Variants in EPHA10 observed in about 807,000 individuals in gnomAD.
EPHA10 encodes ephrin type-A receptor 10.
Under a neutral mutation model 109.7 loss-of-function variants are expected in EPHA10, and 120 were observed. The ratio of observed to expected loss-of-function variants is 1.09; its 90% CI spans 0.94 to 1.27. EPHA10 has a LOEUF of 1.27. EPHA10 is among the 50% of genes most tolerant of loss of function. The pLI, the probability that EPHA10 is intolerant of heterozygous loss-of-function variation, is 0.00. For synonymous variants in EPHA10, 640 were observed against 618.9 expected (o/e 1.03, Z -0.51); for missense variants, 1,396 against 1,411.1 (o/e 0.99, Z 0.17).
rs1646435821 is a variant in EPHA10, at chr1:37,761,849, C to T, written c.406G>A (p.Asp136Asn). The change falls in exon 3 of 17, where the codon GAC (aspartate) becomes AAC (asparagine). Residue 136 changes from aspartate to asparagine, a missense_variant. Coordinates refer to ENST00000373048, the MANE Select transcript of EPHA10 (RefSeq NM_001099439.2). The stretch of plus-strand genomic sequence containing the variant: ...AGGCGGGGACGCCCACGGCCCAGGT[C>T]GGCCTCAGTTTCCAGGTAGTAGACG... Reference protein sequence around the residue: ...FNVYYLETEADLGRGRPRLGG... With the variant: ...FNVYYLETEANLGRGRPRLGG... The T allele has an allele frequency of 6.2e-7, 1 of 1,613,034 alleles. No homozygotes were observed. Among genetic ancestry groups the T allele is most frequent in the Admixed American group, 1.7e-5 (1 of 59,952 alleles).
Position 37,716,504 on chromosome 1 carries a change from G to A in EPHA10, c.*1868C>T. The A allele has an allele frequency of 4.3e-6, 1 of 232,428 alleles. No individual in the cohort carries two copies. Among genetic ancestry groups the A allele is most frequent in the Non-Finnish European group, 8.5e-6 (1 of 117,546 alleles). 14.4% of individuals were successfully genotyped at this position (232,428 alleles called of 1,614,324 possible). A position where few individuals can be genotyped will look rare whatever the true frequency, so the allele number is the denominator to read the frequency against. The stretch of plus-strand genomic sequence containing the variant: ...TGGTAGCAACATCTTGGTCTCCCCA[G>A]TACCCCCAGAGTCACTGAGCTGGGG... On this transcript the variant is annotated 3_prime_UTR_variant, in exon 17 of 17. Transcript: ENST00000373048.
chr1:37,721,657 T>G lies in EPHA10; in HGVS notation c.2146+3A>C. The G allele has an allele frequency of 6.2e-7, 1 of 1,600,928 alleles. No homozygotes were observed. Among genetic ancestry groups the G allele is most frequent in the Non-Finnish European group, 8.5e-7 (1 of 1,172,822 alleles). On this transcript the variant is annotated splice_donor_region_variant and intron_variant, in intron 11 of 16. Coordinates refer to ENST00000373048, the MANE Select transcript of EPHA10 (RefSeq NM_001099439.2). ...GCAGCAGGAAGGGAGCACCGGGCCC[T>G]ACCTCGGGTAACAACGCCCTCCAGC...
chr1:37,725,178 G>C (rs907593475), intron 8 of EPHA10, among the ~76,000 whole-genome samples: 1 of 152,036 alleles, frequency 6.6e-6, no homozygotes, highest in Non-Finnish European at 1.5e-5. Context: ...GCAAAGACAG[G>C]GTGTCTGCAG....
intron 5 of EPHA10, among the ~76,000 whole-genome samples, chr1:37,736,090 G>A (rs899137389): frequency 2.0e-5 from 3 of 152,238 alleles, no homozygotes; most frequent in African/African-American, 7.2e-5. Context: ...GATCTTATAT[G>A]TAGAAAACCC....
Position 37,715,978 on chromosome 1 carries a change from A to G in EPHA10, c.*2394T>C, listed in dbSNP as rs1461233864. The G allele has an allele frequency of 1.7e-6, 1 of 586,652 alleles. No homozygotes were observed. Among genetic ancestry groups the G allele is most frequent in the Non-Finnish European group, 3.3e-6 (1 of 301,962 alleles). The allele number at this position is 586,652 out of a possible 1,614,324, so 36.3% of individuals were successfully genotyped here. A position where few individuals can be genotyped will look rare whatever the true frequency, so the allele number is the denominator to read the frequency against. On this transcript the variant is annotated 3_prime_UTR_variant, in exon 17 of 17. Transcript: ENST00000373048. ...CTGCCACTCAAAGAGGCACCATATC[A>G]CAGACAAGTTTTTATTATCCTGCAT...
intron 15 of EPHA10, 94 bp downstream of exon 15, chr1:37,719,320 G>A (rs1452838787): frequency 1.4e-6 from 2 of 1,400,952 alleles, no homozygotes; most frequent in Admixed American, 2.0e-5. Context: ...TCTTGGACAG[G>A]TGGGGTGGTG....
chr1:37,753,076 G>A lies in EPHA10; in HGVS notation c.1157C>T (p.Ala386Val). ...LCLRCGREGP[A>V]GACEPCGPRV... ...CGGCCCGCACGGCTCGCAGGCGCCC[G>A]CCGGGCCCTCGCGGCCGCAGCGCAG... The change falls in exon 5 of 17, where the codon GCG (alanine) becomes GTG (valine). Residue 386 changes from alanine (A) to valine (V), a missense_variant. Transcript: ENST00000373048. 7.7e-7 allele frequency: 1 copy of A among 1,294,410 alleles called. No homozygotes were observed. Among genetic ancestry groups the A allele is most frequent in the South Asian group, 2.2e-5 (1 of 46,246 alleles). 80.2% of individuals were successfully genotyped at this position (1,294,410 alleles called of 1,614,324 possible).
chr1:37,744,247 T>A (rs1646196758), intron 5 of EPHA10, among the ~76,000 whole-genome samples: 1 of 152,034 alleles, frequency 6.6e-6, no homozygotes, highest in Admixed American at 6.6e-5. Flanking sequence ...GGCACAGTGG[T>A]TCACTCCTGT....
At chr1:37,734,304 C>T (rs1024262730) in intron 6 of EPHA10, among the ~76,000 whole-genome samples, 2 of 152,044 alleles carry the variant, frequency 1.3e-5, no homozygotes, top group East Asian at 1.9e-4. Context: ...GAGGCTAAGG[C>T]GGGTGGATCA....
Position 37,718,325 on chromosome 1 carries a change from G to A in EPHA10, c.*47C>T, listed in dbSNP as rs1645724339. 1 of 1,496,158 alleles carries A rather than the reference G, an allele frequency of 6.7e-7. No individual in the cohort carries two copies. Among genetic ancestry groups the A allele is most frequent in the Non-Finnish European group, 9.1e-7 (1 of 1,096,400 alleles). The allele number at this position is 1,496,158 out of a possible 1,614,324, so 92.7% of individuals were successfully genotyped here. A position where few individuals can be genotyped will look rare whatever the true frequency, so the allele number is the denominator to read the frequency against. Reference sequence around the variant, plus strand: ...TGCCACGGTCCTTGGGCAGGGCTGGGGGACTGGACCCCCACCGGAGTCCTG... The same window carrying A: ...TGCCACGGTCCTTGGGCAGGGCTGGAGGACTGGACCCCCACCGGAGTCCTG... On this transcript the variant is annotated 3_prime_UTR_variant, in exon 17 of 17. Coordinates refer to ENST00000373048, the MANE Select transcript of EPHA10 (RefSeq NM_001099439.2).
At position 37,753,213 on chromosome 1, in the gene EPHA10, C is replaced by A; in HGVS notation, c.1020G>T (p.Ala340=). ...TCAGGCTGTACTGCAGGTCCCGCGG[C>A]GCCGACGGCGGCCCTGAGGCGGCAC... ...PSASCTRPPS[A]PRDLQYSLSR... Residue 340 remains alanine (A), a synonymous_variant, in exon 5 of 17, where the codon GCG becomes GCT. Transcript: ENST00000373048. The A allele has an allele frequency of 7.5e-7, 1 of 1,326,898 alleles. No individual in the cohort carries two copies. The highest frequency in any genetic ancestry group is 9.6e-7 in the Non-Finnish European group (1 of 1,042,582). The allele number at this position is 1,326,898 out of a possible 1,614,324, so 82.2% of individuals were successfully genotyped here.
intron 15 of EPHA10, 64 bp from the exon 16 acceptor site, chr1:37,718,880 C>T: frequency 6.6e-7 from 1 of 1,526,332 alleles, no homozygotes; most frequent in Middle Eastern, 2.1e-4. Context: ...TGGTGGTCTC[C>T]CGGGGAGAGG....
Position 37,719,556 on chromosome 1 carries a change from G to C in EPHA10, c.2614C>G (p.Pro872Ala), listed in dbSNP as rs1337977279. ...GFRLPPPRNC[P>A]NLLHRLMLDC... ...AGCATTAGTCGGTGCAGAAGGTTAG[G>C]ACAGTTCCTGGGGGGTGGCAGCCGG... The change falls in exon 15 of 17, where the codon CCT (proline) becomes GCT (alanine). Residue 872 changes from proline to alanine, a missense_variant. Transcript: ENST00000373048. 16 of 1,613,828 alleles carry C rather than the reference G, an allele frequency of 9.9e-6. No homozygotes were observed. Among genetic ancestry groups the C allele is most frequent in the Non-Finnish European group, 1.4e-5 (16 of 1,180,018 alleles).
chr1:37,715,871 C>T (rs1645683556), downstream of EPHA10: 1 of 553,148 alleles, frequency 1.8e-6, no homozygotes, highest in Non-Finnish European at 3.6e-6. Flanking sequence ...GCAGAGAGAT[C>T]TCAGACGCAG....
chr1:37,726,306 C>G (rs146542476), intron 8 of EPHA10, among the ~76,000 whole-genome samples: 219 of 152,348 alleles, frequency 1.4e-3, no homozygotes, highest in African/African-American at 5.0e-3. Context: ...GGCTCCTAGA[C>G]TAGCGAGACA....
At chr1:37,739,114 AC>A (rs1646114755) in intron 5 of EPHA10, among the ~76,000 whole-genome samples, 1 of 152,148 alleles carries the variant, frequency 6.6e-6, no homozygotes, top group African/African-American at 2.4e-5. Context: ...ACAAACCTGC[AC>A]GCTGTGTACA....
intron 8 of EPHA10, among the ~76,000 whole-genome samples, chr1:37,725,544 G>A (rs1312709441): frequency 1.3e-5 from 2 of 150,118 alleles, no homozygotes; most frequent in Non-Finnish European, 3.0e-5. Flanking sequence ...GTAACGAGGT[G>A]AAGCATTCTA....
At chr1:37,761,359 C>A in intron 3 of EPHA10, 46 bp downstream of exon 3, 1 of 1,574,000 alleles carries the variant, frequency 6.4e-7, no homozygotes, top group Non-Finnish European at 8.6e-7. Flanking sequence ...TCAATTGCCA[C>A]CTACGCTCTA....
chr1:37,738,456 G>A (rs1048806590), intron 5 of EPHA10, among the ~76,000 whole-genome samples: 4 of 152,128 alleles, frequency 2.6e-5, no homozygotes, highest in African/African-American at 7.2e-5. Flanking sequence ...AAATCACAAT[G>A]AGATATCACC....
Sources: gnomAD v4.1 joint callset for allele counts (sites outside exome capture counted in the v4.1 genomes callset) on GRCh38, gnomAD v4.1.1 for gene constraint, MANE v1.5 for transcripts, NCBI Gene and HGNC (gene_info 2026-07-23, HGNC 2026-07-21) for gene names.